Variants in ELL2 observed in about 807,000 individuals in gnomAD.
The protein encoded by ELL2 is RNA polymerase II elongation factor ELL2.
In ELL2, 21 loss-of-function variants were observed where a neutral mutation model predicts 72.8. That is an observed-to-expected ratio of 0.29 (90% confidence interval 0.20 to 0.42). ELL2 has a LOEUF of 0.42. Ranked by LOEUF, ELL2 falls within the 10% of genes least tolerant of loss-of-function variation. The probability of loss-of-function intolerance (pLI) is 1.00; values close to 1 mark genes in which losing one functional copy is unlikely to be tolerated. For synonymous variants in ELL2, 266 were observed against 283.2 expected (o/e 0.94, Z 0.61); for missense variants, 568 against 772.8 (o/e 0.73, Z 3.14).
At chr5:95,959,097 C>T (rs1444904878) in intron 1 of ELL2, among the ~76,000 whole-genome samples, 3 of 152,112 alleles carry the variant, frequency 2.0e-5, no homozygotes, top group Non-Finnish European at 4.4e-5. Flanking sequence ...CAAAGCACTC[C>T]CTTCTGGGGC....
chr5:95,947,678 ATACAG>A (rs1352990087), intron 1 of ELL2, among the ~76,000 whole-genome samples: 1 of 152,136 alleles, frequency 6.6e-6, no homozygotes, highest in Non-Finnish European at 1.5e-5. Context: ...TGAATTCCAA[ATACAG>A]TACTCTTTCT....
chr5:95,905,600 G>C (rs1302988107), intron 5 of ELL2, among the ~76,000 whole-genome samples: 5 of 152,156 alleles, frequency 3.3e-5, no homozygotes, highest in African/African-American at 1.2e-4. Flanking sequence ...GATTGATTGA[G>C]ATACCTTGGG....
At chr5:95,898,124 A>C (rs1748945139) in intron 8 of ELL2, 116 bp downstream of exon 8, 1 of 934,090 alleles carries the variant, frequency 1.1e-6, no homozygotes, top group African/African-American at 1.7e-5. Context: ...CAAAAGCACA[A>C]CACTAAGATT....
At chr5:95,941,666 C>G (rs1295988433) in intron 2 of ELL2, among the ~76,000 whole-genome samples, 6 of 152,190 alleles carry the variant, frequency 3.9e-5, no homozygotes. Flanking sequence ...AAATGCAGCT[C>G]AAACCTTATA....
chr5:95,948,448 A>AAAAAAAAAAAAAAAAC (rs1751257383), intron 1 of ELL2, among the ~76,000 whole-genome samples: 1 of 150,346 alleles, frequency 6.7e-6, no homozygotes, highest in Non-Finnish European at 1.5e-5. Flanking sequence ...AAAAAAAAAA[A>AAAAAAAAAAAAAAAAC]AAAAAGCCAC....
chr5:95,898,323 T>C lies in ELL2; in HGVS notation c.1442A>G (p.Glu481Gly). 1 of 1,613,684 alleles carries C rather than the reference T, an allele frequency of 6.2e-7. No homozygotes were observed. Among genetic ancestry groups the C allele is most frequent in the Non-Finnish European group, 8.5e-7 (1 of 1,179,834 alleles). ...ATCTTCCTCCTTTTCCTCAATAGTC[T>C]CAATGTCGTGCTTTTTTATTTGGTC... is the stretch of plus-strand genomic sequence containing the variant. ...EKDQIKKHDI[E>G]TIEEKEEDLK... Residue 481 changes from glutamate (E) to glycine (G), a missense_variant, in exon 8 of 12, where the codon GAG (glutamate) becomes GGG (glycine). Glu to Gly is a moderately conservative substitution (Grantham distance 98). Transcript: ENST00000237853.
intron 5 of ELL2, among the ~76,000 whole-genome samples, chr5:95,905,237 G>GCGCA (rs76139278): frequency 1.2e-4 from 18 of 149,814 alleles, no homozygotes; most frequent in African/African-American, 4.2e-4. Context: ...TGAGATACGC[G>GCGCA]CACACACACA....
intron 2 of ELL2, among the ~76,000 whole-genome samples, chr5:95,933,739 T>A (rs1037948685): frequency 6.6e-6 from 1 of 152,058 alleles, no homozygotes; most frequent in Non-Finnish European, 1.5e-5. Context: ...TTTTAGGTTA[T>A]CACTGATACT....
At chr5:95,913,958 G>A (rs199790967) in intron 3 of ELL2, 24 bp from the exon 4 acceptor site, 24 of 1,561,428 alleles carry the variant, frequency 1.5e-5, no homozygotes, top group Non-Finnish European at 2.6e-6. Flanking sequence ...CAGTGGCTTT[G>A]TTAGACATGA....
rs1344691572 is a variant in ELL2, at chr5:95,887,768, G to A, written c.*1103C>T. The A allele has an allele frequency of 6.6e-6, 1 of 152,368 alleles. No individual in the cohort carries two copies. The highest frequency in any genetic ancestry group is 1.9e-4 in the East Asian group (1 of 5,174). The allele number at this position is 152,368 out of a possible 1,614,324, so 9.4% of individuals were successfully genotyped here. A position where few individuals can be genotyped will look rare whatever the true frequency, so the allele number is the denominator to read the frequency against. The stretch of plus-strand genomic sequence containing the variant: ...AAATATACCTCTTATGTAGGTAATA[G>A]CTTCTTTGCATATCTCTCTTCAAAA... On this transcript the variant is annotated 3_prime_UTR_variant, in exon 12 of 12. Coordinates refer to ENST00000237853, the MANE Select transcript of ELL2 (RefSeq NM_012081.6).
At chr5:95,921,023 A>G (rs1176027379) in intron 2 of ELL2, among the ~76,000 whole-genome samples, 1 of 152,158 alleles carries the variant, frequency 6.6e-6, no homozygotes, top group Non-Finnish European at 1.5e-5. Context: ...CTGCAAGATA[A>G]CCTGCAACCA....
chr5:95,952,209 A>G (rs1751437545), intron 1 of ELL2, among the ~76,000 whole-genome samples: 4 of 152,208 alleles, frequency 2.6e-5, no homozygotes, highest in Admixed American at 2.6e-4. Context: ...AGGAACAAAA[A>G]AACAAATACT....
At chr5:95,894,514 C>G (rs1401449832) in intron 9 of ELL2, among the ~76,000 whole-genome samples, 1 of 152,198 alleles carries the variant, frequency 6.6e-6, no homozygotes, top group Admixed American at 6.5e-5. Flanking sequence ...CAGAGGCTGT[C>G]CTGGAAGACT....
At chr5:95,902,041 A>G (rs1001987848) in intron 5 of ELL2, among the ~76,000 whole-genome samples, 10 of 152,244 alleles carry the variant, frequency 6.6e-5, no homozygotes, top group African/African-American at 2.2e-4. Flanking sequence ...AACCACGGAT[A>G]AGGACTACTG....
chr5:95,958,227 C>A (rs757114129), intron 1 of ELL2, among the ~76,000 whole-genome samples: 4 of 152,192 alleles, frequency 2.6e-5, no homozygotes, highest in Non-Finnish European at 4.4e-5. Flanking sequence ...TCCCAATTAG[C>A]CAATCCATGT....
intron 2 of ELL2, among the ~76,000 whole-genome samples, chr5:95,929,944 T>C (rs770031974): frequency 2.0e-5 from 3 of 152,242 alleles, no homozygotes; most frequent in Non-Finnish European, 2.9e-5. Context: ...GTTCATATTA[T>C]ACATTTTTCT....
Position 95,891,832 on chromosome 5 carries a change from A to G in ELL2, c.1590-558T>C, listed in dbSNP as rs377672434. ...GCTTGCTTCCTCTATCCCTTTCCTC[A>G]TATTTCTGACCAAGCAAATACATGA... On this transcript the variant is annotated intron_variant, in intron 9 of 11. Coordinates refer to ENST00000237853, the MANE Select transcript of ELL2 (RefSeq NM_012081.6). Among the ~76,000 whole-genome samples, 59 of 152,260 alleles carry G rather than the reference A, an allele frequency of 3.9e-4. 1 individual carries two copies. The East Asian group carries it at 7.9e-3, about 20-fold the overall frequency.
chr5:95,922,404 C>T (rs1750123328), intron 2 of ELL2, among the ~76,000 whole-genome samples: 1 of 152,048 alleles, frequency 6.6e-6, no homozygotes, highest in South Asian at 2.1e-4. Flanking sequence ...GTTTTTTTCC[C>T]CCTATTTTTC....
At chr5:95,900,920 A>G in intron 6 of ELL2, 36 bp downstream of exon 6, 1 of 1,576,932 alleles carries the variant, frequency 6.3e-7, no homozygotes, top group Non-Finnish European at 8.6e-7. Flanking sequence ...ATTTTTAAAG[A>G]AACATTTTTT....
Sources: gnomAD v4.1 joint callset for allele counts (sites outside exome capture counted in the v4.1 genomes callset) on GRCh38, gnomAD v4.1.1 for gene constraint, MANE v1.5 for transcripts, NCBI Gene and HGNC (gene_info 2026-07-23, HGNC 2026-07-21) for gene names.